Variants in MGAM observed in about 807,000 individuals in gnomAD.
MGAM encodes the protein maltase-glucoamylase.
In MGAM, 253 loss-of-function variants were observed where a neutral mutation model predicts 358.8. The observed-to-expected ratio is 0.71, with a 90% CI of 0.64 to 0.78. The LOEUF (loss-of-function observed/expected upper bound fraction) is 0.78, where lower values mean the gene tolerates loss of function less well. Among genes scored for constraint, MGAM ranks in the 30% least tolerant of loss-of-function variants. The pLI, the probability that MGAM is intolerant of heterozygous loss-of-function variation, is 0.00. For synonymous variants in MGAM, 1,105 were observed against 1,227.1 expected (o/e 0.90, Z 2.08); for missense variants, 3,080 against 3,432.6 (o/e 0.90, Z 2.57).
intron 1 of MGAM, among the ~76,000 whole-genome samples, chr7:142,000,271 A>C (rs1804628653): frequency 6.6e-6 from 1 of 152,178 alleles, no homozygotes; most frequent in South Asian, 2.1e-4. Flanking sequence ...GAAGGCTTGA[A>C]TAGGGGTAGA....
chr7:142,103,658 G>T (rs1339234874), intron 70 of MGAM, among the ~76,000 whole-genome samples: 4 of 152,080 alleles, frequency 2.6e-5, no homozygotes, highest in African/African-American at 9.7e-5. Context: ...TTCCATGTTT[G>T]TCTTCTTGTC....
At chr7:142,045,852 T>G (rs185098486) in intron 21 of MGAM, among the ~76,000 whole-genome samples, 5 of 116,440 alleles carry the variant, frequency 4.3e-5, no homozygotes, top group African/African-American at 1.4e-4. Flanking sequence ...CAATATGTAA[T>G]ATATATATTA....
chr7:142,075,936 G>A (rs1813697295), intron 45 of MGAM, among the ~76,000 whole-genome samples: 1 of 146,152 alleles, frequency 6.8e-6, no homozygotes, highest in South Asian at 2.2e-4. Context: ...ACTTCTGGGT[G>A]TATATCCAGA....
intron 2 of MGAM, among the ~76,000 whole-genome samples, chr7:141,988,149 G>T (rs555460861): frequency 6.6e-6 from 1 of 152,116 alleles, no homozygotes; most frequent in East Asian, 2.0e-4. Context: ...TTAGCCGGGC[G>T]TGGTGGTGCA....
intron 45 of MGAM, among the ~76,000 whole-genome samples, chr7:142,074,787 A>G (rs1439297466): frequency 6.8e-6 from 1 of 146,472 alleles, no homozygotes; most frequent in Non-Finnish European, 1.5e-5. Context: ...TTAAAAATTA[A>G]TTATTTATTT....
Position 142,041,933 on chromosome 7 carries a change from ATATATTATATATATACAT to A in MGAM, c.2498+1088_2498+1105del, listed in dbSNP as rs1808685999. Among the ~76,000 whole-genome samples, 16 of 22,986 alleles carry A rather than the reference ATATATTATATATATACAT, an allele frequency of 7.0e-4. No individual in the cohort carries two copies. In the East Asian group the frequency reaches 0.012, roughly 17 times the overall value. The allele number at this position is 22,986 out of a possible 152,430, so 15.1% of individuals were successfully genotyped here. ...TATATATACGTATAATATATAATAT[ATATATTATATATATACAT>A]ATATATAATATATATATATTATATA... is the stretch of plus-strand genomic sequence containing the variant. On this transcript the variant is annotated intron_variant, in intron 21 of 70. Coordinates refer to ENST00000475668, the MANE Select transcript of MGAM (RefSeq NM_001365693.1).
intron 33 of MGAM, 147 bp downstream of exon 33, chr7:142,060,113 T>C (rs564851949): frequency 7.7e-5 from 98 of 1,272,922 alleles, no homozygotes; most frequent in Non-Finnish European, 1.0e-4. Context: ...CTTTTCTCAA[T>C]CAATATTTGT....
chr7:142,072,085 C>T (rs7812190), intron 44 of MGAM, among the ~76,000 whole-genome samples: 14,023 of 145,990 alleles, frequency 0.096, 2,073 homozygotes, highest in African/African-American at 0.23. Flanking sequence ...CACCTTCAAG[C>T]TGTTCTGTAC....
intron 6 of MGAM, 37 bp from the exon 7 acceptor site, chr7:142,022,231 T>G: frequency 1.9e-6 from 3 of 1,563,898 alleles, no homozygotes; most frequent in Non-Finnish European, 2.6e-6. Flanking sequence ...TCCACCCTGC[T>G]TGCTCACCCA....
intron 65 of MGAM, among the ~76,000 whole-genome samples, chr7:142,097,101 A>T (rs11974543): frequency 0.25 from 37,940 of 149,792 alleles, 5,587 homozygotes; most frequent in Non-Finnish European, 0.33. Context: ...GCCAATTTAA[A>T]TTTTTTTTTT....
rs558318968 is a variant in MGAM, at chr7:142,083,450, T to C, written c.6381+37T>C. ...TCCAATTGTTTATCAAGTACTTATA[T>C]AGCACATTCTGGGTGCCAGAGCCCA... On this transcript the variant is annotated intron_variant, in intron 53 of 70. Coordinates refer to ENST00000475668, the MANE Select transcript of MGAM (RefSeq NM_001365693.1). The C allele has an allele frequency of 1.1e-5, 16 of 1,398,076 alleles. 1 individual carries two copies. In the African/African-American group the frequency reaches 1.4e-4, roughly 12 times the overall value. The allele number at this position is 1,398,076 out of a possible 1,614,324, so 86.6% of individuals were successfully genotyped here.
Position 142,040,842 on chromosome 7 carries a change from G to A in MGAM, c.2494G>A (p.Ala832Thr), listed in dbSNP as rs762268083. Residue 832 changes from alanine to threonine, a missense_variant, in exon 21 of 71, where the codon GCC becomes ACC. Physicochemically the swap from Ala to Thr is moderately conservative, Grantham distance 58. Coordinates refer to ENST00000475668, the MANE Select transcript of MGAM (RefSeq NM_001365693.1). ...ACAGCAGCCAAATACAACCACTCTGGCCAGGTATAGCATGGCTGGAGTGTC... is the reference window on the plus strand; with the variant it reads ...ACAGCAGCCAAATACAACCACTCTGACCAGGTATAGCATGGCTGGAGTGTC... ...PTQQPNTTTLASRKNPLGLII... is the reference protein window; with the variant it reads ...PTQQPNTTTLTSRKNPLGLII... The A allele has an allele frequency of 1.9e-6, 3 of 1,609,650 alleles. No homozygotes were observed. Among genetic ancestry groups the A allele is most frequent in the Non-Finnish European group, 2.5e-6 (3 of 1,178,120 alleles).
intron 21 of MGAM, among the ~76,000 whole-genome samples, chr7:142,043,623 A>ATGTAT (rs1809402575): frequency 2.6e-5 from 3 of 116,678 alleles, no homozygotes; most frequent in African/African-American, 1.4e-4. Context: ...TATATAATAC[A>ATGTAT]TATATTATAT....
chr7:142,003,597 T>G (rs1351586983), intron 1 of MGAM, among the ~76,000 whole-genome samples: 4 of 151,992 alleles, frequency 2.6e-5, no homozygotes, highest in African/African-American at 9.7e-5. Context: ...ATAAAATTAC[T>G]AGAAGAAAAA....
chr7:142,024,205 G>T (rs1806734441), intron 7 of MGAM, among the ~76,000 whole-genome samples: 2 of 151,910 alleles, frequency 1.3e-5, no homozygotes, highest in South Asian at 4.2e-4. Flanking sequence ...CTCCAGCCTG[G>T]GTGACAGAGT....
chr7:142,082,449 T>C (rs1219947542), intron 51 of MGAM, 26 bp from the exon 52 acceptor site: 1 of 1,456,004 alleles, frequency 6.9e-7, no homozygotes, highest in African/African-American at 1.4e-5. Flanking sequence ...TTTAAACTCC[T>C]ACTGCTTCTC....
chr7:141,999,581 G>A (rs989422381), intron 1 of MGAM, among the ~76,000 whole-genome samples: 1 of 152,100 alleles, frequency 6.6e-6, no homozygotes, highest in Admixed American at 6.6e-5. Context: ...TTATAAAAAT[G>A]GCATGTGACA....
intron 34 of MGAM, 132 bp from the exon 35 acceptor site, chr7:142,062,436 T>C: frequency 8.4e-7 from 1 of 1,184,714 alleles, no homozygotes. Flanking sequence ...GTTAATAACA[T>C]TATTTAGGCC....
rs1009919400 is a variant in MGAM at position 142,086,776 on chromosome 7, C to T, written c.6810+59C>T. Reference sequence around the variant, plus strand: ...GGTTTCTAGGAAGGGGCAGCCGTTCCTGGGAATGTGGACATGCCTGTACTG... The same window carrying T: ...GGTTTCTAGGAAGGGGCAGCCGTTCTTGGGAATGTGGACATGCCTGTACTG... On this transcript the variant is annotated intron_variant, in intron 57 of 70. Transcript: ENST00000475668. 3.5e-6 allele frequency: 3 copies of T among 859,050 alleles called. 1 individual carries two copies. The highest frequency in any genetic ancestry group is 5.0e-6 in the Non-Finnish European group (3 of 594,114). The allele number at this position is 859,050 out of a possible 1,614,324, so 53.2% of individuals were successfully genotyped here.
Sources: gnomAD v4.1 joint callset for allele counts (sites outside exome capture counted in the v4.1 genomes callset) on GRCh38, gnomAD v4.1.1 for gene constraint, MANE v1.5 for transcripts, NCBI Gene and HGNC (gene_info 2026-07-23, HGNC 2026-07-21) for gene names.